Variants in PDE4B observed in about 807,000 individuals in gnomAD.
PDE4B encodes the protein phosphodiesterase 4B.
Under a neutral mutation model 82.2 loss-of-function variants are expected in PDE4B, and 20 were observed. That is an observed-to-expected ratio of 0.24 (90% CI 0.17 to 0.35). The LOEUF (loss-of-function observed/expected upper bound fraction) is 0.35, where lower values mean the gene tolerates loss of function less well. Ranked by LOEUF, PDE4B falls within the 10% of genes least tolerant of loss-of-function variation. The pLI, the probability that PDE4B is intolerant of heterozygous loss-of-function variation, is 1.00. For synonymous variants in PDE4B, 320 were observed against 318.9 expected (o/e 1.00, Z -0.04); for missense variants, 655 against 907.2 (o/e 0.72, Z 3.57).
chr1:66,146,710 G>C (rs1646280895), intron 3 of PDE4B, among the ~76,000 whole-genome samples: 1 of 152,098 alleles, frequency 6.6e-6, no homozygotes, highest in Non-Finnish European at 1.5e-5. Flanking sequence ...CACTGTTTGG[G>C]AGCCTGCTTG....
Position 66,008,550 on chromosome 1 carries a change from C to T in PDE4B, c.281+89715C>T, listed in dbSNP as rs150072778. The stretch of plus-strand genomic sequence containing the variant: ...TAAATGGTATCCATTTATAAACATG[C>T]TATTTCCCTTTAAAAAGCCCTCTTT... On this transcript the variant is annotated intron_variant, in intron 3 of 16. Coordinates refer to ENST00000341517, the MANE Select transcript of PDE4B (RefSeq NM_002600.4). Among the ~76,000 whole-genome samples the T allele has an allele frequency of 8.0e-4, 122 of 152,196 alleles. 1 individual carries two copies. The highest frequency in any genetic ancestry group is 2.6e-3 in the African/African-American group (109 of 41,538).
rs1178149512 is a variant in PDE4B at position 66,332,164 on chromosome 1, C to G, written c.635-344C>G. ...AAGGCAGAGAGAGTCTGAGAAAACT[C>G]TTTGGTGCTTCTGCCTTTAGTTTTA... On this transcript the variant is annotated intron_variant, in intron 7 of 16. Transcript: ENST00000341517. 2.9e-6 allele frequency: 4 copies of G among 1,382,488 alleles called. No homozygotes were observed. The African/African-American group carries it at 4.3e-5, about 15-fold the overall frequency. The allele number at this position is 1,382,488 out of a possible 1,614,324, so 85.6% of individuals were successfully genotyped here. A position where few individuals can be genotyped will look rare whatever the true frequency, so the allele number is the denominator to read the frequency against.
intron 1 of PDE4B, among the ~76,000 whole-genome samples, chr1:65,882,608 T>G (rs138975026): frequency 0.017 from 2,275 of 134,362 alleles, 74 homozygotes; most frequent in African/African-American, 0.061. Context: ...AGTAAAAGAT[T>G]TATAATGTAA....
chr1:66,141,548 G>A (rs2101148710), intron 3 of PDE4B, among the ~76,000 whole-genome samples: 1 of 151,982 alleles, frequency 6.6e-6, no homozygotes, highest in African/African-American at 2.4e-5. Context: ...AAGGAAAGGA[G>A]AGTGAGTTAG....
intron 3 of PDE4B, among the ~76,000 whole-genome samples, chr1:66,125,109 A>G (rs1212633419): frequency 1.4e-5 from 2 of 146,900 alleles, no homozygotes; most frequent in African/African-American, 2.5e-5. Context: ...TTTCTTTCCT[A>G]TATCTCTAAA....
intron 8 of PDE4B, among the ~76,000 whole-genome samples, chr1:66,336,363 C>A (rs561059252): frequency 2.6e-5 from 4 of 152,146 alleles, no homozygotes; most frequent in Non-Finnish European, 5.9e-5. Flanking sequence ...CCTCATTGTA[C>A]TGAGAAACCT....
chr1:66,368,985 T>G lies in PDE4B; in HGVS notation c.1845+16T>G. 6.3e-7 allele frequency: 1 copy of G among 1,582,034 alleles called. No homozygotes were observed. The highest frequency in any genetic ancestry group is 8.6e-7 in the Non-Finnish European group (1 of 1,161,728). ...AAAATCCCAGGTATCTAATATGAGA[T>G]TTTCAAAGTTTTTGTGAGCTCTGCT... On this transcript the variant is annotated intron_variant, in intron 16 of 16. Coordinates refer to ENST00000341517, the MANE Select transcript of PDE4B (RefSeq NM_002600.4).
At chr1:66,235,970 T>G (rs1652399450) in intron 3 of PDE4B, among the ~76,000 whole-genome samples, 1 of 152,210 alleles carries the variant, frequency 6.6e-6, no homozygotes, top group South Asian at 2.1e-4. Context: ...AATTGAAGCT[T>G]GGCTGCTGTG....
chr1:66,157,424 C>A (rs575196691), intron 3 of PDE4B, among the ~76,000 whole-genome samples: 2 of 152,254 alleles, frequency 1.3e-5, no homozygotes, highest in East Asian at 3.9e-4. Context: ...CTGATGAAAA[C>A]CCAGTTTTTT....
At chr1:66,329,735 T>C (rs192954680) in intron 7 of PDE4B, among the ~76,000 whole-genome samples, 11 of 152,346 alleles carry the variant, frequency 7.2e-5, no homozygotes, top group Non-Finnish European at 1.2e-4. Context: ...ATGAGATAAA[T>C]ATTTTATCCT....
At chr1:66,063,518 A>G (rs1655689423) in intron 3 of PDE4B, among the ~76,000 whole-genome samples, 1 of 152,018 alleles carries the variant, frequency 6.6e-6, no homozygotes, top group African/African-American at 2.4e-5. Context: ...GACACATAAT[A>G]ATTATACATG....
At chr1:65,890,303 G>C (rs901829568) in intron 1 of PDE4B, among the ~76,000 whole-genome samples, 15 of 152,068 alleles carry the variant, frequency 9.9e-5, no homozygotes, top group Non-Finnish European at 1.5e-5. Context: ...GAGGGTATGT[G>C]TGGGTGGCTG....
At chr1:66,325,195 A>G (rs919114007) in intron 7 of PDE4B, among the ~76,000 whole-genome samples, 1 of 152,222 alleles carries the variant, frequency 6.6e-6, no homozygotes, top group African/African-American at 2.4e-5. Flanking sequence ...AACGTAAGAC[A>G]TCTACAGGGC....
At chr1:66,181,579 G>T (rs1207907441) in intron 3 of PDE4B, among the ~76,000 whole-genome samples, 2 of 152,166 alleles carry the variant, frequency 1.3e-5, no homozygotes, top group Non-Finnish European at 2.9e-5. Context: ...CCTTGGCCAG[G>T]TTGACTTTCT....
intron 16 of PDE4B, among the ~76,000 whole-genome samples, chr1:66,369,914 G>A (rs1663551696): frequency 6.6e-6 from 1 of 152,042 alleles, no homozygotes; most frequent in Non-Finnish European, 1.5e-5. Context: ...TTGGGAGGCT[G>A]AGGTGGACGG....
intron 3 of PDE4B, among the ~76,000 whole-genome samples, chr1:65,953,177 G>A (rs1649089745): frequency 6.6e-6 from 1 of 151,996 alleles, no homozygotes; most frequent in Admixed American, 6.6e-5. Context: ...TTGTTTTTGG[G>A]AAACATCAGG....
At chr1:65,820,907 C>T (rs906693017) in intron 1 of PDE4B, among the ~76,000 whole-genome samples, 9 of 152,218 alleles carry the variant, frequency 5.9e-5, no homozygotes, top group African/African-American at 1.9e-4. Flanking sequence ...CTCTGGTTTA[C>T]TTTTTGACAC....
At chr1:66,320,379 A>G (rs965715199) in intron 7 of PDE4B, among the ~76,000 whole-genome samples, 4 of 152,346 alleles carry the variant, frequency 2.6e-5, no homozygotes, top group African/African-American at 7.2e-5. Context: ...ATTGAGAGGC[A>G]AAATGTTTCC....
At chr1:66,080,931 G>A (rs1313721432) in intron 3 of PDE4B, among the ~76,000 whole-genome samples, 1 of 152,166 alleles carries the variant, frequency 6.6e-6, no homozygotes, top group East Asian at 1.9e-4. Context: ...AGGCTCCAGT[G>A]TCTGCTGTTC....
Sources: allele counts gnomAD v4.1 joint callset (sites outside exome capture counted in the v4.1 genomes callset), GRCh38; gene constraint gnomAD v4.1.1; transcripts MANE v1.5; gene names NCBI Gene and HGNC (gene_info 2026-07-23, HGNC 2026-07-21).